The following KRT86 variants were observed in gnomAD, a reference collection of about 807,000 sequenced individuals.
The protein encoded by KRT86 is keratin 86, also known as keratin, type II cuticular Hb6.
KRT86 carries 30 observed loss-of-function variants against 41.2 expected under a neutral mutation model. That is an observed-to-expected ratio of 0.73 (90% CI 0.54 to 0.99). The LOEUF (loss-of-function observed/expected upper bound fraction) is 0.99, where lower values mean the gene tolerates loss of function less well. Among genes scored for constraint, KRT86 ranks in the 50% least tolerant of loss-of-function variants. The pLI, the probability that KRT86 is intolerant of heterozygous loss-of-function variation, is 0.00. For missense variants in KRT86, 561 were observed against 571.4 expected, an observed-to-expected ratio of 0.98 and a Z score of 0.19; for synonymous variants, 238 against 238.1, an observed-to-expected ratio of 1.00 and a Z score of 0.00.
intron 2 of KRT86, among the ~76,000 whole-genome samples, chr12:52,294,637 G>A (rs1298357448): frequency 3.9e-5 from 6 of 152,136 alleles, no homozygotes; most frequent in Admixed American, 3.9e-4. Context: ...AAAATGCATA[G>A]GTGGTTAGAT....
chr12:52,291,834 G>A (rs1046757461), intron 2 of KRT86, among the ~76,000 whole-genome samples: 5 of 152,142 alleles, frequency 3.3e-5, no homozygotes, highest in African/African-American at 1.2e-4. Flanking sequence ...AGAAGGAGGA[G>A]TAGAGCCTGG....
At chr12:52,285,954 G>A in intron 2 of KRT86, 4 of 471,682 alleles carry the variant, frequency 8.5e-6, no homozygotes, top group Non-Finnish European at 1.6e-5. Context: ...AAGAGCAGAG[G>A]AGGAAGGGGA....
intron 2 of KRT86, among the ~76,000 whole-genome samples, chr12:52,283,886 G>A (rs1273251419): frequency 1.3e-5 from 2 of 152,178 alleles, no homozygotes; most frequent in South Asian, 2.1e-4. Flanking sequence ...TTCTGCACCC[G>A]GGGCATTATG....
chr12:52,291,591 TG>T, intron 2 of KRT86: 1 of 1,442,350 alleles, frequency 6.9e-7, no homozygotes, highest in Non-Finnish European at 9.4e-7. Flanking sequence ...GGCTTGGCTG[TG>T]AAGATGATGT....
Position 52,308,810 on chromosome 12 carries a change from C to T in KRT86, c.*225C>T. The T allele has an allele frequency of 1.7e-6, 1 of 576,896 alleles. No homozygotes were observed. Among genetic ancestry groups the T allele is most frequent in the Non-Finnish European group, 3.1e-6 (1 of 324,758 alleles). 35.7% of individuals were successfully genotyped at this position (576,896 alleles called of 1,614,324 possible). ...TCTCTCTGTAGCCTTTCCTGGTAGTCAATTTGTTGTCCCGAGGATTCATCT... is the reference window on the plus strand; with the variant it reads ...TCTCTCTGTAGCCTTTCCTGGTAGTTAATTTGTTGTCCCGAGGATTCATCT... On this transcript the variant is annotated 3_prime_UTR_variant, in exon 11 of 11. Coordinates refer to ENST00000423955, the MANE Select transcript of KRT86 (RefSeq NM_001320198.2).
intron 1 of KRT86, 87 bp from the exon 2 acceptor site, chr12:52,275,734 G>C (rs928062899): frequency 2.2e-6 from 1 of 445,188 alleles, no homozygotes; most frequent in Non-Finnish European, 3.0e-6. Context: ...GAAGCTAGGT[G>C]ACCACTGGTG....
rs751361827 is a variant in KRT86, at chr12:52,275,962, G to T, written c.-5+16G>T. 117 of 985,794 alleles carry T rather than the reference G, an allele frequency of 1.2e-4. No homozygotes were observed. The highest frequency in any genetic ancestry group is 1.3e-4 in the Non-Finnish European group (106 of 829,950). 61.1% of individuals were successfully genotyped at this position (985,794 alleles called of 1,614,324 possible). A position where few individuals can be genotyped will look rare whatever the true frequency, so the allele number is the denominator to read the frequency against. On this transcript the variant is annotated intron_variant, in intron 2 of 10. Coordinates refer to ENST00000423955, the MANE Select transcript of KRT86 (RefSeq NM_001320198.2). ...TGAGAGTCAGGTGAGAGGTGGGAGT[G>T]GGGGGCAACAGAGTGGCCATGGTGG...
At chr12:52,291,622 T>G in intron 2 of KRT86, 1 of 1,169,858 alleles carries the variant, frequency 8.5e-7, no homozygotes, top group Admixed American at 2.3e-5. Flanking sequence ...TTGCGCTTTA[T>G]GGGCTTGGGT....
chr12:52,305,032 G>C lies in KRT86; in HGVS notation c.735+5G>C, dbSNP rs190281457. 5 of 1,613,620 alleles carry C rather than the reference G, an allele frequency of 3.1e-6. No individual in the cohort carries two copies. In the African/African-American group the frequency reaches 4.0e-5, roughly 13 times the overall value. On this transcript the variant is annotated splice_donor_5th_base_variant and intron_variant, in intron 6 of 10. Coordinates refer to ENST00000423955, the MANE Select transcript of KRT86 (RefSeq NM_001320198.2). The stretch of plus-strand genomic sequence containing the variant: ...CTGAGGCGGCTGTATGAGGAGGTGC[G>C]GGCTCAGGGGCCAGGCAGAGACCTG...
At chr12:52,296,914 A>G (rs1371325844) in intron 2 of KRT86, among the ~76,000 whole-genome samples, 4 of 152,232 alleles carry the variant, frequency 2.6e-5, no homozygotes, top group African/African-American at 9.6e-5. Context: ...CTTCCAGCCC[A>G]CAGCTGTGTA....
At chr12:52,282,716 C>T (rs1937804110) in intron 2 of KRT86, among the ~76,000 whole-genome samples, 1 of 152,202 alleles carries the variant, frequency 6.6e-6, no homozygotes, top group South Asian at 2.1e-4. Context: ...AGCATCTGCC[C>T]ATCACTACGC....
Position 52,278,438 on chromosome 12 carries a change from G to GTTTTT in KRT86, c.-5+2507_-5+2511dup, listed in dbSNP as rs10684723. The stretch of plus-strand genomic sequence containing the variant: ...ATCAAGTCAGGCCAAAGAAAGTGTA[G>GTTTTT]TTTTTTTTTTTTTTTTTTTGGTCTT... On this transcript the variant is annotated intron_variant, in intron 2 of 10. Transcript: ENST00000423955. Among the ~76,000 whole-genome samples, 2 of 128,020 alleles carry GTTTTT rather than the reference G, an allele frequency of 1.6e-5. 1 individual carries two copies. Among genetic ancestry groups the GTTTTT allele is most frequent in the Non-Finnish European group, 3.2e-5 (2 of 61,650 alleles). The allele number at this position is 128,020 out of a possible 152,430, so 84.0% of individuals were successfully genotyped here. A position where few individuals can be genotyped will look rare whatever the true frequency, so the allele number is the denominator to read the frequency against.
chr12:52,302,004 G>A lies in KRT86; in HGVS notation c.88G>A (p.Ala30Thr), dbSNP rs1461537686. Residue 30 changes from alanine (A) to threonine (T), a missense_variant, in exon 3 of 11, where the codon GCC (alanine) becomes ACC (threonine). By Grantham distance (58) the Ala-to-Thr change is moderately conservative. This residue lies in a region of KRT86 where 164 missense variants were observed against 172.5 expected (regional missense o/e 0.95). Transcript: ENST00000423955. ...GCCCGGCCGCTGCTGCATCACCGCC[G>A]CCCCCTACCGTGGCATCTCCTGCTA... ...PRPGRCCITAAPYRGISCYRG... is the reference protein window; with the variant it reads ...PRPGRCCITATPYRGISCYRG... The A allele has an allele frequency of 5.6e-6, 9 of 1,612,232 alleles. No homozygotes were observed. The highest frequency in any genetic ancestry group is 1.7e-5 in the Admixed American group (1 of 59,926).
intron 2 of KRT86, chr12:52,288,333 G>A (rs768345989): frequency 6.2e-7 from 1 of 1,613,488 alleles, no homozygotes; most frequent in Non-Finnish European, 8.5e-7. Context: ...CTGGCTGCCA[G>A]GTTTCTGTCT....
chr12:52,283,122 G>A (rs1415558865), intron 2 of KRT86, among the ~76,000 whole-genome samples: 4 of 152,150 alleles, frequency 2.6e-5, no homozygotes, highest in Non-Finnish European at 5.9e-5. Flanking sequence ...TTGACTGGGT[G>A]CGGTGGCTCA....
chr12:52,291,559 A>G (rs1938126733), intron 2 of KRT86: 2 of 1,543,272 alleles, frequency 1.3e-6, no homozygotes, highest in Non-Finnish European at 8.8e-7. Context: ...CCGCAGCCCT[A>G]TTTATGCGCA....
chr12:52,291,652 C>G, intron 2 of KRT86: 1 of 780,150 alleles, frequency 1.3e-6, no homozygotes, highest in Non-Finnish European at 2.0e-6. Context: ...GGTCTAACGC[C>G]TCTCCAGAAT....
chr12:52,288,034 C>T lies in KRT86; in HGVS notation c.-5+12088C>T, dbSNP rs1169418987. 21 of 1,614,092 alleles carry T rather than the reference C, an allele frequency of 1.3e-5. No individual in the cohort carries two copies. Among genetic ancestry groups the T allele is most frequent in the South Asian group, 4.4e-5 (4 of 91,088 alleles). On this transcript the variant is annotated intron_variant, in intron 2 of 10. Transcript: ENST00000423955. Reference sequence around the variant, plus strand: ...TCGGCCCGGCTGCGGGTGACAATGTCGTCATACTGTGCCTTAATCTCGGCA... The same window carrying T: ...TCGGCCCGGCTGCGGGTGACAATGTTGTCATACTGTGCCTTAATCTCGGCA...
rs1375883279 is a variant in KRT86, at chr12:52,305,768, G to A, written c.1006G>A (p.Val336Met). The A allele has an allele frequency of 7.4e-6, 12 of 1,613,898 alleles. No homozygotes were observed. The highest frequency in any genetic ancestry group is 1.0e-5 in the Non-Finnish European group (12 of 1,179,884). The change falls in exon 8 of 11, where the codon GTG (valine) becomes ATG (methionine). Residue 336 changes from valine (V) to methionine (M), a missense_variant. Around this residue, in one of 3 missense-constraint regions of KRT86, gnomAD observed 397 missense variants for 375.9 expected, o/e 1.06. Transcript: ENST00000423955. Reference protein sequence around the residue: ...NRMIQRLTAEVENAKCQNSKL... With the variant: ...NRMIQRLTAEMENAKCQNSKL... ...CATGATCCAGAGGCTGACGGCTGAGGTGGAGAATGCCAAGTGCCAGGTATG... is the reference window on the plus strand; with the variant it reads ...CATGATCCAGAGGCTGACGGCTGAGATGGAGAATGCCAAGTGCCAGGTATG...
Sources: gnomAD v4.1 joint callset for allele counts (sites outside exome capture counted in the v4.1 genomes callset) on GRCh38, gnomAD v4.1.1 for gene constraint, gnomAD v4.1.1 regional missense constraint, MANE v1.5 for transcripts, NCBI Gene and HGNC (gene_info 2026-07-23, HGNC 2026-07-21) for gene names.